Variants in GRIN2A observed in about 807,000 individuals in gnomAD.
GRIN2A encodes the protein glutamate receptor ionotropic, NMDA 2A.
In GRIN2A, 22 loss-of-function variants were observed where a neutral mutation model predicts 113.4. That is an observed-to-expected ratio of 0.19 (90% confidence interval 0.14 to 0.28). The LOEUF is 0.28. Among genes scored for constraint, GRIN2A ranks in the 10% least tolerant of loss-of-function variants. The pLI, the probability that GRIN2A is intolerant of heterozygous loss-of-function variation, is 1.00. For synonymous variants in GRIN2A, 827 were observed against 738.4 expected, an observed-to-expected ratio of 1.12 and a Z score of -1.94; for missense variants, 1,502 against 1,887.0, an observed-to-expected ratio of 0.80 and a Z score of 3.78.
chr16:9,801,650 G>A (rs765410237), intron 10 of GRIN2A, among the ~76,000 whole-genome samples: 1 of 152,200 alleles, frequency 6.6e-6, no homozygotes, highest in Non-Finnish European at 1.5e-5. Flanking sequence ...AGTTTTCTTT[G>A]GGAACAAAGT....
chr16:10,130,034 T>C (rs1468406481), intron 2 of GRIN2A, among the ~76,000 whole-genome samples: 6 of 152,246 alleles, frequency 3.9e-5, no homozygotes, highest in Admixed American at 3.9e-4. Context: ...GACTTGTAGG[T>C]TTGTAGTTTG....
At chr16:9,982,430 C>T (rs1312020674) in intron 2 of GRIN2A, among the ~76,000 whole-genome samples, 1 of 152,180 alleles carries the variant, frequency 6.6e-6, no homozygotes, top group East Asian at 1.9e-4. Context: ...TTCTACTATT[C>T]CTTCTTCATT....
At position 9,756,139 on chromosome 16, in the gene GRIN2A, T is replaced by C. The variant is rs1596367488; in HGVS notation, c.*7010A>G. 8.8e-6 allele frequency: 2 copies of C among 226,736 alleles called. No individual in the cohort carries two copies. The highest frequency in any genetic ancestry group is 1.8e-4 in the South Asian group (1 of 5,468). 14.0% of individuals were successfully genotyped at this position (226,736 alleles called of 1,614,324 possible). On this transcript the variant is annotated 3_prime_UTR_variant, in exon 13 of 13. Transcript: ENST00000330684. ...GGTCACATGGCTGTGTGTGTGTGTG[T>C]GCATACCCACACACATGAGAGCATG...
In GRIN2A at chr16:9,768,928, G is replaced by A. The variant is rs371352783; in HGVS notation, c.2518C>T (p.Leu840Phe). ...LSLITFIWEHLFYWKLRFCFT... is the reference protein window; with the variant it reads ...LSLITFIWEHFFYWKLRFCFT... The stretch of plus-strand genomic sequence containing the variant: ...CAGAAGCGCAGCTTCCAGTAGAAGA[G>A]GTGCTCCCAGATGAAGGTGATGAGG... Residue 840 changes from leucine (L) to phenylalanine (F), a missense_variant, in exon 12 of 13, where the codon CTC becomes TTC. By Grantham distance (22) the Leu-to-Phe change is conservative. This residue lies in a region of GRIN2A where 101 missense variants were observed against 240.4 expected (regional missense o/e 0.42). Coordinates refer to ENST00000330684, the MANE Select transcript of GRIN2A (RefSeq NM_001134407.3). The A allele has an allele frequency of 5.0e-6, 8 of 1,614,092 alleles. No homozygotes were observed. In the East Asian group the frequency reaches 1.1e-4, roughly 22 times the overall value.
rs748684701 is a variant in GRIN2A, at chr16:10,180,244, G to C, written c.168C>G (p.Gly56=). The change falls in exon 2 of 13, where the codon GGC becomes GGG. Residue 56 remains glycine (G), a synonymous_variant. Coordinates refer to ENST00000330684, the MANE Select transcript of GRIN2A (RefSeq NM_001134407.3). The surrounding 1 kb of genome is among the most constrained non-coding windows in gnomAD (Gnocchi z 7.0). ...VTERELRTLW[G]PEQAAGLPLD... is the part of the protein sequence containing the mutation. ...GGGGCAGCCCCGCCGCCTGCTCGGG[G>C]CCCCACAGTGTTCGAAGTTCGCGCT... 3.1e-6 allele frequency: 5 copies of C among 1,614,014 alleles called. No homozygotes were observed. The South Asian group carries it at 3.3e-5, about 11-fold the overall frequency.
intron 2 of GRIN2A, among the ~76,000 whole-genome samples, chr16:10,106,283 C>T (rs1291664289): frequency 6.7e-6 from 1 of 148,330 alleles, no homozygotes; most frequent in Admixed American, 6.9e-5. Flanking sequence ...AAAAAGTGGT[C>T]TGGCACAGTG....
intron 2 of GRIN2A, among the ~76,000 whole-genome samples, chr16:10,068,836 C>T (rs918319713): frequency 6.6e-6 from 1 of 151,994 alleles, no homozygotes; most frequent in African/African-American, 2.4e-5. Context: ...GAAGCAGAGA[C>T]CTGAAGGATG....
At chr16:9,782,161 T>C (rs1382215139) in intron 11 of GRIN2A, among the ~76,000 whole-genome samples, 1 of 152,196 alleles carries the variant, frequency 6.6e-6, no homozygotes, top group Non-Finnish European at 1.5e-5. Flanking sequence ...TGAAAATATT[T>C]TGGGGAGAAA....
At chr16:10,026,178 G>C (rs2094813805) in intron 2 of GRIN2A, among the ~76,000 whole-genome samples, 2 of 152,190 alleles carry the variant, frequency 1.3e-5, no homozygotes, top group Non-Finnish European at 2.9e-5. Flanking sequence ...ACACATGACT[G>C]CTTGGAGATT....
intron 2 of GRIN2A, among the ~76,000 whole-genome samples, chr16:10,007,702 G>T (rs1412061995): frequency 6.6e-6 from 1 of 152,010 alleles, no homozygotes; most frequent in Non-Finnish European, 1.5e-5. Flanking sequence ...AATTTAGGGG[G>T]CTAAAAGTTC....
At chr16:10,063,270 A>T (rs1190375941) in intron 2 of GRIN2A, among the ~76,000 whole-genome samples, 1 of 152,238 alleles carries the variant, frequency 6.6e-6, no homozygotes, top group Non-Finnish European at 1.5e-5. Flanking sequence ...AACTATGCTC[A>T]CTACTTGGAT....
intron 2 of GRIN2A, among the ~76,000 whole-genome samples, chr16:10,153,992 C>G (rs1194699797): frequency 6.6e-6 from 1 of 152,152 alleles, no homozygotes. Flanking sequence ...TGCAAAAGTC[C>G]TCATGTCAGA....
chr16:10,132,659 T>C (rs1321122353), intron 2 of GRIN2A, among the ~76,000 whole-genome samples: 1 of 152,240 alleles, frequency 6.6e-6, no homozygotes, highest in Non-Finnish European at 1.5e-5. Context: ...GCAAGCTATC[T>C]GAACTTTCAT....
At chr16:9,974,089 C>T (rs1047802091) in intron 2 of GRIN2A, among the ~76,000 whole-genome samples, 1 of 152,130 alleles carries the variant, frequency 6.6e-6, no homozygotes, top group Admixed American at 6.5e-5. Flanking sequence ...CCTTACATTG[C>T]CTCTTAGGGT....
intron 4 of GRIN2A, among the ~76,000 whole-genome samples, chr16:9,854,045 T>C (rs1344377513): frequency 6.6e-6 from 1 of 152,212 alleles, no homozygotes; most frequent in Non-Finnish European, 1.5e-5. Context: ...TTTATATGCG[T>C]AATGATTGGT....
At chr16:10,069,866 G>A (rs2047717241) in intron 2 of GRIN2A, among the ~76,000 whole-genome samples, 3 of 152,222 alleles carry the variant, frequency 2.0e-5, no homozygotes, top group African/African-American at 7.2e-5. Flanking sequence ...CTTGGGCTTA[G>A]GCAGTTAGGT....
rs1445259317 is a variant in GRIN2A at position 9,834,297 on chromosome 16, C to G, written c.1652-67G>C. The G allele has an allele frequency of 4.7e-6, 7 of 1,501,812 alleles. No individual in the cohort carries two copies. In the East Asian group the frequency reaches 1.4e-4, roughly 29 times the overall value. The allele number at this position is 1,501,812 out of a possible 1,614,324, so 93.0% of individuals were successfully genotyped here. A position where few individuals can be genotyped will look rare whatever the true frequency, so the allele number is the denominator to read the frequency against. On this transcript the variant is annotated intron_variant, in intron 7 of 12. Transcript: ENST00000330684. ...TCTCTTCCTCACTTCCAGCAGGAAG[C>G]CCAGACATCCATTTGCAGGCTCGCC...
At chr16:10,070,292 G>A (rs905409344) in intron 2 of GRIN2A, among the ~76,000 whole-genome samples, 5 of 152,092 alleles carry the variant, frequency 3.3e-5, no homozygotes, top group South Asian at 2.1e-4. Flanking sequence ...CTCTAGCCTC[G>A]CTACTCACAG....
At chr16:10,173,706 T>C (rs973123019) in intron 2 of GRIN2A, among the ~76,000 whole-genome samples, 5 of 152,232 alleles carry the variant, frequency 3.3e-5, no homozygotes, top group African/African-American at 1.2e-4. Flanking sequence ...ATATTATTAA[T>C]GGTGGAAAAA....
Sources: allele counts gnomAD v4.1 joint callset (sites outside exome capture counted in the v4.1 genomes callset), GRCh38; gene constraint gnomAD v4.1.1; regional missense constraint gnomAD v4.1.1; non-coding constraint Gnocchi (gnomAD v3.1); transcripts MANE v1.5; gene names NCBI Gene and HGNC (gene_info 2026-07-23, HGNC 2026-07-21).